Variants in MARCHF1 observed in about 807,000 individuals in gnomAD.
MARCHF1 encodes membrane associated ring-CH-type finger 1, also known as E3 ubiquitin-protein ligase MARCHF1.
In MARCHF1, 40 loss-of-function variants were observed where a neutral mutation model predicts 54.2. That is an observed-to-expected ratio of 0.74 (90% confidence interval 0.57 to 0.96). The LOEUF is 0.96. MARCHF1 is among the 40% of genes least tolerant of loss of function. MARCHF1 has a pLI of 0.00. For missense variants in MARCHF1, 586 were observed against 656.5 expected, an observed-to-expected ratio of 0.89 and a Z score of 1.17; for synonymous variants, 236 against 236.3, an observed-to-expected ratio of 1.00 and a Z score of 0.01.
intron 2 of MARCHF1, among the ~76,000 whole-genome samples, chr4:163,996,511 G>C (rs1753079213): frequency 6.6e-6 from 1 of 151,892 alleles, no homozygotes. Context: ...TGTGTTCTTG[G>C]AAGAATAAAG....
intron 1 of MARCHF1, among the ~76,000 whole-genome samples, chr4:164,338,555 G>A (rs1729824822): frequency 6.6e-6 from 1 of 152,074 alleles, no homozygotes; most frequent in African/African-American, 2.4e-5. Context: ...AAAACATAAA[G>A]TGAAGCAATG....
At chr4:163,914,282 G>A (rs945573362) in intron 3 of MARCHF1, among the ~76,000 whole-genome samples, 1 of 151,956 alleles carries the variant, frequency 6.6e-6, no homozygotes, top group African/African-American at 2.4e-5. Flanking sequence ...TAAAAATTTT[G>A]TTTAAAGAGA....
intron 1 of MARCHF1, among the ~76,000 whole-genome samples, chr4:164,145,547 T>C (rs1171858603): frequency 2.0e-5 from 3 of 152,016 alleles, no homozygotes; most frequent in Admixed American, 6.6e-5. Flanking sequence ...TAATCCAGCA[T>C]ATAAACAGAA....
chr4:164,018,885 C>T (rs6825959), intron 2 of MARCHF1, among the ~76,000 whole-genome samples: 22,597 of 152,228 alleles, frequency 0.15, 2,069 homozygotes, highest in Middle Eastern at 0.21. Flanking sequence ...CAACAATCAT[C>T]TACTAAGTTA....
intron 1 of MARCHF1, among the ~76,000 whole-genome samples, chr4:164,263,992 G>T (rs1457023594): frequency 6.6e-6 from 1 of 152,250 alleles, no homozygotes; most frequent in South Asian, 2.1e-4. Context: ...CGACTACTGG[G>T]TATATACCCA....
chr4:163,863,095 A>G (rs1244773733), intron 3 of MARCHF1, among the ~76,000 whole-genome samples: 1 of 152,078 alleles, frequency 6.6e-6, no homozygotes, highest in Non-Finnish European at 1.5e-5. Flanking sequence ...ATGTCATCCT[A>G]AGCATTTGTG....
chr4:163,858,823 G>C (rs1418359123), intron 3 of MARCHF1, among the ~76,000 whole-genome samples: 1 of 152,168 alleles, frequency 6.6e-6, no homozygotes, highest in Non-Finnish European at 1.5e-5. Context: ...CCTTACACAT[G>C]AATTGTTCCT....
chr4:164,195,555 G>T (rs1188960247), intron 1 of MARCHF1, among the ~76,000 whole-genome samples: 1 of 152,090 alleles, frequency 6.6e-6, no homozygotes, highest in Non-Finnish European at 1.5e-5. Flanking sequence ...AGGGACCCTG[G>T]ATTACTATCT....
chr4:163,730,570 T>C (rs1459799058), intron 4 of MARCHF1, among the ~76,000 whole-genome samples: 1 of 152,158 alleles, frequency 6.6e-6, no homozygotes, highest in Non-Finnish European at 1.5e-5. Context: ...TTATTTTTTA[T>C]ACATATTTTT....
At chr4:163,917,517 T>C (rs1751335845) in intron 3 of MARCHF1, among the ~76,000 whole-genome samples, 1 of 152,204 alleles carries the variant, frequency 6.6e-6, no homozygotes, top group African/African-American at 2.4e-5. Context: ...TCACATAAAA[T>C]GTTGAGAATC....
intron 2 of MARCHF1, among the ~76,000 whole-genome samples, chr4:164,059,997 G>C (rs980940236): frequency 4.6e-5 from 7 of 151,956 alleles, no homozygotes; most frequent in African/African-American, 1.4e-4. Flanking sequence ...TTTACTCTTT[G>C]TGTCTCAGTT....
intron 1 of MARCHF1, among the ~76,000 whole-genome samples, chr4:164,243,676 A>G: frequency 1.1e-5 from 1 of 92,614 alleles, no homozygotes; most frequent in African/African-American, 3.7e-5. Flanking sequence ...TTGGATAAAG[A>G]GTCAAGACCC....
At chr4:164,205,198 A>G (rs192373384) in intron 1 of MARCHF1, among the ~76,000 whole-genome samples, 1 of 152,334 alleles carries the variant, frequency 6.6e-6, no homozygotes, top group East Asian at 1.9e-4. Flanking sequence ...ACAGAAAAGA[A>G]AACAATCTAT....
chr4:164,130,617 A>G (rs1320507458), intron 1 of MARCHF1, among the ~76,000 whole-genome samples: 1 of 152,178 alleles, frequency 6.6e-6, no homozygotes, highest in African/African-American at 2.4e-5. Context: ...GAGTTTTTAT[A>G]AGACTCTCAT....
chr4:163,776,060 T>C (rs1279994744), intron 4 of MARCHF1, among the ~76,000 whole-genome samples: 1 of 152,128 alleles, frequency 6.6e-6, no homozygotes, highest in African/African-American at 2.4e-5. Context: ...TATGAGGAGA[T>C]GGAGAGAAAA....
In MARCHF1 at chr4:163,633,854, G is replaced by T. The variant is rs563454318; in HGVS notation, c.163-20461C>A. Among the ~76,000 whole-genome samples, 384 of 152,220 alleles carry T rather than the reference G, an allele frequency of 2.5e-3. 1 individual carries two copies. Among genetic ancestry groups the T allele is most frequent in the African/African-American group, 8.8e-3 (365 of 41,532 alleles). ...TTAAGGGCAGCCAGAGAGAAAGGTC[G>T]GGTTACCCTCAAAGGGAAGCCCATC... On this transcript the variant is annotated intron_variant, in intron 5 of 9. Transcript: ENST00000514618.
chr4:164,023,007 G>A (rs1753696100), intron 2 of MARCHF1, among the ~76,000 whole-genome samples: 1 of 152,194 alleles, frequency 6.6e-6, no homozygotes, highest in Admixed American at 6.5e-5. Context: ...GTGTGGCCTG[G>A]TTCCAGCACC....
chr4:163,620,273 C>T (rs1252689809), intron 5 of MARCHF1, among the ~76,000 whole-genome samples: 8 of 136,506 alleles, frequency 5.9e-5, no homozygotes, highest in East Asian at 4.4e-4. Context: ...CCAGTGTAGC[C>T]GAGGTGGGGA....
At chr4:164,049,652 C>G (rs1379871785) in intron 2 of MARCHF1, among the ~76,000 whole-genome samples, 1 of 151,746 alleles carries the variant, frequency 6.6e-6, no homozygotes, top group Non-Finnish European at 1.5e-5. Context: ...ATAAAATTGA[C>G]AAAAAAAGCT....
Sources: gnomAD v4.1 joint callset for allele counts (sites outside exome capture counted in the v4.1 genomes callset) on GRCh38, gnomAD v4.1.1 for gene constraint, MANE v1.5 for transcripts, NCBI Gene and HGNC (gene_info 2026-07-23, HGNC 2026-07-21) for gene names.